The following CEP83 variants were observed in gnomAD, a reference collection of about 807,000 sequenced individuals.
CEP83 encodes the protein centrosomal protein of 83 kDa.
In CEP83, 70 loss-of-function variants were observed where a neutral mutation model predicts 101.9. The observed-to-expected ratio is 0.69, with a 90% confidence interval of 0.57 to 0.84. CEP83 has a LOEUF of 0.84. Among genes scored for constraint, CEP83 ranks in the 40% least tolerant of loss-of-function variants. The pLI is 0.00. For missense variants in CEP83, 715 were observed against 787.2 expected (o/e 0.91, Z 1.10); for synonymous variants, 264 against 267.9 (o/e 0.99, Z 0.14).
the CEP83 span, among the ~76,000 whole-genome samples, chr12:94,280,409 T>C: frequency 6.6e-6 from 1 of 152,230 alleles, no homozygotes; most frequent in African/African-American, 2.4e-5. Flanking sequence ...TGTACAGTTA[T>C]AGGCCTTGAC....
intron 14 of CEP83, among the ~76,000 whole-genome samples, chr12:94,319,538 T>G (rs1268570964): frequency 6.6e-6 from 1 of 152,212 alleles, no homozygotes; most frequent in African/African-American, 2.4e-5. Flanking sequence ...TAACATTGCC[T>G]TAGCTGTGTC....
chr12:94,345,901 T>C (rs867240125), intron 11 of CEP83, among the ~76,000 whole-genome samples: 1 of 152,122 alleles, frequency 6.6e-6, no homozygotes, highest in Non-Finnish European at 1.5e-5. Context: ...GAGGACAGGG[T>C]ACCGCAAGCC....
the CEP83 span, among the ~76,000 whole-genome samples, chr12:94,269,814 CT>C: frequency 6.6e-6 from 1 of 152,198 alleles, no homozygotes; most frequent in African/African-American, 2.4e-5. Flanking sequence ...CCATTACTAA[CT>C]TCATAGTTAG....
At chr12:94,413,691 CAG>C (rs2064055504) in intron 2 of CEP83, among the ~76,000 whole-genome samples, 1 of 152,036 alleles carries the variant, frequency 6.6e-6, no homozygotes, top group Non-Finnish European at 1.5e-5. Flanking sequence ...AGCACTGACT[CAG>C]TATTACAAAC....
intron 4 of CEP83, among the ~76,000 whole-genome samples, chr12:94,410,715 T>C (rs1566122614): frequency 6.6e-6 from 1 of 152,216 alleles, no homozygotes; most frequent in Non-Finnish European, 1.5e-5. Context: ...GCATTGATTC[T>C]ACAGGCTTAA....
intron 13 of CEP83, 72 bp from the exon 14 acceptor site, chr12:94,331,901 A>T (rs1030350896): frequency 5.7e-6 from 8 of 1,391,460 alleles, no homozygotes; most frequent in East Asian, 2.3e-5. Flanking sequence ...TATCACAAGT[A>T]TAAGCAAACT....
chr12:94,310,236 ATC>A (rs1310869216), intron 15 of CEP83, 129 bp from the exon 16 acceptor site: 1 of 372,306 alleles, frequency 2.7e-6, no homozygotes, highest in East Asian at 4.0e-5. Context: ...TAGATAAAAA[ATC>A]TGTTTACCTA....
At chr12:94,351,562 G>A (rs1195541662) in intron 11 of CEP83, among the ~76,000 whole-genome samples, 1 of 152,164 alleles carries the variant, frequency 6.6e-6, no homozygotes, top group South Asian at 2.1e-4. Flanking sequence ...CAGAACCTGA[G>A]CTGATATAGT....
intron 8 of CEP83, among the ~76,000 whole-genome samples, chr12:94,371,592 T>C (rs1421201541): frequency 6.6e-6 from 1 of 152,032 alleles, no homozygotes; most frequent in East Asian, 1.9e-4. Context: ...AGTAGGAAAC[T>C]ACAAATACAT....
chr12:94,442,817 C>T (rs1042891214), intron 1 of CEP83, among the ~76,000 whole-genome samples: 9 of 152,156 alleles, frequency 5.9e-5, no homozygotes, highest in Non-Finnish European at 8.8e-5. Context: ...CTAACCACTA[C>T]CCATCCTCTA....
At chr12:94,428,926 G>A (rs773087599) in intron 2 of CEP83, among the ~76,000 whole-genome samples, 35 of 152,132 alleles carry the variant, frequency 2.3e-4, no homozygotes, top group Non-Finnish European at 5.0e-4. Context: ...GTTGGATACA[G>A]GAATACAGAA....
At chr12:94,285,601 G>A in the CEP83 span, among the ~76,000 whole-genome samples, 9 of 152,306 alleles carry the variant, frequency 5.9e-5, no homozygotes, top group East Asian at 9.6e-4. Flanking sequence ...TTCTAAAAGT[G>A]TGCATTCTTG....
chr12:94,279,423 C>A, the CEP83 span: 14 of 1,533,262 alleles, frequency 9.1e-6, no homozygotes, highest in African/African-American at 1.4e-5. Flanking sequence ...AAATGCCTTT[C>A]AGATTGCAAT....
At chr12:94,328,244 G>A (rs997538858) in intron 14 of CEP83, 2 of 335,480 alleles carry the variant, frequency 6.0e-6, no homozygotes, top group Non-Finnish European at 1.2e-5. Context: ...TGGGGGTGGG[G>A]GGAATACACT....
chr12:94,317,130 G>T (rs1224051706), intron 14 of CEP83, among the ~76,000 whole-genome samples: 2 of 152,056 alleles, frequency 1.3e-5, no homozygotes, highest in Non-Finnish European at 2.9e-5. Context: ...GGTGTAAGAT[G>T]GTATCTCATT....
At chr12:94,325,854 A>G (rs1052159527) in intron 14 of CEP83, among the ~76,000 whole-genome samples, 6 of 152,196 alleles carry the variant, frequency 3.9e-5, no homozygotes, top group Non-Finnish European at 7.3e-5. Context: ...TGACTGTGGT[A>G]TAAGAAGAAA....
intron 11 of CEP83, among the ~76,000 whole-genome samples, chr12:94,350,669 A>T (rs2060158352): frequency 6.6e-6 from 1 of 152,200 alleles, no homozygotes; most frequent in Non-Finnish European, 1.5e-5. Context: ...TTCTGCAACA[A>T]AAGATACTTA....
chr12:94,358,924 C>A (rs558008190), intron 11 of CEP83, among the ~76,000 whole-genome samples: 1 of 152,328 alleles, frequency 6.6e-6, no homozygotes, highest in African/African-American at 2.4e-5. Flanking sequence ...AAAGTCCAAG[C>A]TGGAAGGTTG....
At position 94,308,701 on chromosome 12, in the gene CEP83, A is replaced by G. The variant is rs997461923; in HGVS notation, c.*112T>C. On this transcript the variant is annotated 3_prime_UTR_variant, in exon 17 of 17. Coordinates refer to ENST00000397809, the MANE Select transcript of CEP83 (RefSeq NM_016122.3). ...TAGTAGGTACCTTTTCTTGAGGCAC[A>G]TTCAAGTGTTTTGGCAAACAGTAAA... The G allele has an allele frequency of 3.3e-5, 23 of 691,622 alleles. No homozygotes were observed. The highest frequency in any genetic ancestry group is 7.1e-5 in the African/African-American group (4 of 56,100). 42.8% of individuals were successfully genotyped at this position (691,622 alleles called of 1,614,324 possible).
Sources: gnomAD v4.1 joint callset for allele counts (sites outside exome capture counted in the v4.1 genomes callset) on GRCh38, gnomAD v4.1.1 for gene constraint, MANE v1.5 for transcripts, NCBI Gene and HGNC (gene_info 2026-07-23, HGNC 2026-07-21) for gene names.